Variants in CNGB1 observed in about 807,000 individuals in gnomAD.
CNGB1 encodes cyclic nucleotide gated channel subunit beta 1.
Under a neutral mutation model 151.7 loss-of-function variants are expected in CNGB1, and 126 were observed. That is an observed-to-expected ratio of 0.83 (90% confidence interval 0.72 to 0.96). CNGB1 has a LOEUF of 0.96. Ranked by LOEUF, CNGB1 falls within the 40% of genes least tolerant of loss-of-function variation. The probability of loss-of-function intolerance (pLI) is 0.00; values close to 1 mark genes in which losing one functional copy is unlikely to be tolerated. For synonymous variants in CNGB1, 623 were observed against 635.1 expected, an observed-to-expected ratio of 0.98 and a Z score of 0.29; for missense variants, 1,698 against 1,627.0, an observed-to-expected ratio of 1.04 and a Z score of -0.75.
intron 14 of CNGB1, among the ~76,000 whole-genome samples, chr16:57,947,574 C>T (rs934061329): frequency 6.6e-6 from 1 of 152,298 alleles, no homozygotes; most frequent in South Asian, 2.1e-4. Flanking sequence ...ATATGGATGA[C>T]ATGGACAGCC....
At chr16:57,934,592 T>G (rs1224148819) in intron 16 of CNGB1, among the ~76,000 whole-genome samples, 1 of 152,120 alleles carries the variant, frequency 6.6e-6, no homozygotes, top group Non-Finnish European at 1.5e-5. Flanking sequence ...AGTGTGGGGC[T>G]CCCAGAGACT....
intron 18 of CNGB1, among the ~76,000 whole-genome samples, chr16:57,921,558 G>A (rs1961036697): frequency 6.6e-6 from 1 of 152,096 alleles, no homozygotes; most frequent in African/African-American, 2.4e-5. Context: ...GCATACAGGT[G>A]TGGCGGGGAC....
At chr16:57,934,956 C>CA (rs35264442) in intron 16 of CNGB1, among the ~76,000 whole-genome samples, 23,698 of 77,546 alleles carry the variant, frequency 0.31, 5,108 homozygotes, top group African/African-American at 0.61. Context: ...GATTCTGTCT[C>CA]AAAAAAAAAA....
At chr16:57,921,447 C>T (rs1288637956) in intron 18 of CNGB1, among the ~76,000 whole-genome samples, 1 of 152,078 alleles carries the variant, frequency 6.6e-6, no homozygotes, top group Non-Finnish European at 1.5e-5. Context: ...GTCTCAAACT[C>T]CCAACCTCAG....
Position 57,949,450 on chromosome 16 carries a change from G to A in CNGB1, c.1035-11C>T, listed in dbSNP as rs1439388862. ...ATCCGGGACAGCTCTCTGAGTTGGGGTTAGAGGCAGGAGGTGAGCCCACCC... is the reference window on the plus strand; with the variant it reads ...ATCCGGGACAGCTCTCTGAGTTGGGATTAGAGGCAGGAGGTGAGCCCACCC... On this transcript the variant is annotated splice_polypyrimidine_tract_variant and intron_variant, in intron 13 of 32. Coordinates refer to ENST00000251102, the MANE Select transcript of CNGB1 (RefSeq NM_001297.5). 1 of 1,613,464 alleles carries A rather than the reference G, an allele frequency of 6.2e-7. No homozygotes were observed. The highest frequency in any genetic ancestry group is 2.2e-5 in the East Asian group (1 of 44,884).
intron 31 of CNGB1, among the ~76,000 whole-genome samples, chr16:57,888,707 C>T (rs1318534751): frequency 6.6e-6 from 1 of 152,132 alleles, no homozygotes; most frequent in Non-Finnish European, 1.5e-5. Context: ...CCGCCTTGGC[C>T]TCCCAAAGTG....
At chr16:57,884,550 C>T (rs1464733957) in intron 32 of CNGB1, 93 bp from the exon 33 acceptor site, 3 of 1,407,394 alleles carry the variant, frequency 2.1e-6, no homozygotes, top group South Asian at 1.2e-5. Context: ...CTTTTTGGAC[C>T]CCCAAAGAGG....
intron 25 of CNGB1, among the ~76,000 whole-genome samples, chr16:57,906,598 T>A (rs1960557780): frequency 6.6e-6 from 1 of 152,134 alleles, no homozygotes; most frequent in Non-Finnish European, 1.5e-5. Flanking sequence ...AACGGGCCTG[T>A]CAAGCCCCCG....
chr16:57,903,738 G>C, intron 27 of CNGB1, 84 bp downstream of exon 27: 1 of 1,494,958 alleles, frequency 6.7e-7, no homozygotes, highest in South Asian at 1.2e-5. Context: ...GAGGACGAGG[G>C]AGGCGCCCCG....
At chr16:57,933,191 G>A (rs1419921652) in intron 16 of CNGB1, among the ~76,000 whole-genome samples, 1 of 152,080 alleles carries the variant, frequency 6.6e-6, no homozygotes, top group African/African-American at 2.4e-5. Flanking sequence ...GCCTCCCAAA[G>A]TGCTGGGATT....
intron 2 of CNGB1, among the ~76,000 whole-genome samples, chr16:57,965,305 G>A (rs1453616661): frequency 6.6e-6 from 1 of 152,100 alleles, no homozygotes; most frequent in Non-Finnish European, 1.5e-5. Context: ...ATATACATGT[G>A]TATGTACATA....
chr16:57,965,155 GACAT>G (rs1278995659), intron 2 of CNGB1, among the ~76,000 whole-genome samples: 6 of 152,146 alleles, frequency 3.9e-5, no homozygotes, highest in African/African-American at 1.2e-4. Flanking sequence ...TACATGAACA[GACAT>G]ACAATGTGAG....
intron 9 of CNGB1, 83 bp downstream of exon 9, chr16:57,960,399 G>A: frequency 6.5e-7 from 1 of 1,532,484 alleles, no homozygotes; most frequent in Non-Finnish European, 8.9e-7. Flanking sequence ...GGGCCTCTGG[G>A]GGATCCTCCA....
chr16:57,949,135 G>C (rs576921122), intron 14 of CNGB1, among the ~76,000 whole-genome samples: 21 of 152,054 alleles, frequency 1.4e-4, no homozygotes, highest in African/African-American at 4.8e-4. Context: ...AGTGTGTGTG[G>C]GGGGGGATGT....
intron 18 of CNGB1, chr16:57,923,043 G>A (rs1961086634): frequency 2.4e-6 from 1 of 419,540 alleles, no homozygotes; most frequent in Non-Finnish European, 4.5e-6. Context: ...TCTGAGCACT[G>A]CTGGCCGTGG....
intron 12 of CNGB1, among the ~76,000 whole-genome samples, chr16:57,957,129 G>C (rs1962107929): frequency 6.6e-6 from 1 of 152,206 alleles, no homozygotes; most frequent in South Asian, 2.1e-4. Flanking sequence ...ATCTGGCTCT[G>C]GGCCAGGCTC....
rs1960279078 is a variant in CNGB1 at position 57,897,897 on chromosome 16, C to T, written c.2994G>A (p.Glu998=). 6.2e-7 allele frequency: 1 copy of T among 1,614,216 alleles called. No homozygotes were observed. The highest frequency in any genetic ancestry group is 8.5e-7 in the Non-Finnish European group (1 of 1,180,034). The change falls in exon 30 of 33, where the codon GAG becomes GAA. Residue 998 remains glutamate, a synonymous_variant. Transcript: ENST00000251102. ...CTTGCCCTGCCTGGATGATGTACATCTCACGGCCGATCTCCCCCTGAAACA... is the reference window on the plus strand; with the variant it reads ...CTTGCCCTGCCTGGATGATGTACATTTCACGGCCGATCTCCCCCTGAAACA... ...YVCKKGEIGR[E]MYIIQAGQVQ... is the part of the protein sequence containing the mutation.
At chr16:57,925,693 CT>C (rs200984471) in intron 17 of CNGB1, among the ~76,000 whole-genome samples, 71 of 136,834 alleles carry the variant, frequency 5.2e-4, no homozygotes, top group East Asian at 1.7e-3. Flanking sequence ...TTCATGATTA[CT>C]TTTTTTTTTT....
At chr16:57,967,461 A>C (rs994189958) in intron 1 of CNGB1, 167 bp from the exon 2 acceptor site, 2 of 649,304 alleles carry the variant, frequency 3.1e-6, no homozygotes, top group African/African-American at 3.6e-5. Flanking sequence ...TGGGAGGCTG[A>C]GATGGGCCGA....
Sources: gnomAD v4.1 joint callset for allele counts (sites outside exome capture counted in the v4.1 genomes callset) on GRCh38, gnomAD v4.1.1 for gene constraint, MANE v1.5 for transcripts, NCBI Gene and HGNC (gene_info 2026-07-23, HGNC 2026-07-21) for gene names.